The following SEMA6D variants were observed in gnomAD, a reference collection of about 807,000 sequenced individuals.
SEMA6D encodes the protein semaphorin-6D.
SEMA6D carries 35 observed loss-of-function variants against 106.6 expected under a neutral mutation model. The observed-to-expected ratio is 0.33, with a 90% confidence interval of 0.25 to 0.44. The LOEUF is 0.44. SEMA6D is among the 20% of genes least tolerant of loss of function. The pLI is 1.00. For missense variants in SEMA6D, 1,185 were observed against 1,345.9 expected, an observed-to-expected ratio of 0.88 and a Z score of 1.87; for synonymous variants, 499 against 487.7, an observed-to-expected ratio of 1.02 and a Z score of -0.31.
At chr15:47,542,912 T>C (rs1220798453) in intron 3 of SEMA6D, among the ~76,000 whole-genome samples, 1 of 152,076 alleles carries the variant, frequency 6.6e-6, no homozygotes, top group East Asian at 1.9e-4. Context: ...AAATTAGATA[T>C]GAGGCTCAGG....
At position 47,771,002 on chromosome 15, in the gene SEMA6D, G is replaced by A. The variant is rs771445597; in HGVS notation, c.2439G>A (p.Pro813=). 6.8e-5 allele frequency: 109 copies of A among 1,613,922 alleles called. No individual in the cohort carries two copies. The highest frequency in any genetic ancestry group is 1.6e-4 in the Middle Eastern group (1 of 6,084). Residue 813 remains proline (P), a synonymous_variant, in exon 19 of 19, where the codon CCG becomes CCA. Transcript: ENST00000536845. ...CCCCTCAGTTTTTTCCGTCTAGTCC[G>A]CCACCTCATTCCCCATTAAGTCATG... The part of the protein sequence containing the change: ...KETPQFFPSS[P]PPHSPLSHGH...
chr15:47,411,089 G>GT (rs2040778470), intron 1 of SEMA6D, among the ~76,000 whole-genome samples: 2 of 151,808 alleles, frequency 1.3e-5, no homozygotes, highest in South Asian at 2.1e-4. Flanking sequence ...CCTTAGCTGA[G>GT]TTTTTTGTTT....
chr15:47,535,305 TC>T (rs1409960071), intron 3 of SEMA6D, among the ~76,000 whole-genome samples: 2 of 152,136 alleles, frequency 1.3e-5, no homozygotes, highest in East Asian at 3.9e-4. Context: ...ATACAGGTGT[TC>T]ACCTATCCCA....
intron 1 of SEMA6D, among the ~76,000 whole-genome samples, chr15:47,194,606 G>A (rs1335866504): frequency 6.6e-6 from 1 of 152,136 alleles, no homozygotes; most frequent in East Asian, 1.9e-4. Context: ...ATGTTCAGTA[G>A]GGCCTTGCAC....
Position 47,764,621 on chromosome 15 carries a change from C to A in SEMA6D, c.1098-17C>A. 10 of 1,612,994 alleles carry A rather than the reference C, an allele frequency of 6.2e-6. No homozygotes were observed. The highest frequency in any genetic ancestry group is 8.5e-6 in the Non-Finnish European group (10 of 1,179,342). On this transcript the variant is annotated splice_polypyrimidine_tract_variant and intron_variant, in intron 11 of 18. Coordinates refer to ENST00000536845, the MANE Select transcript of SEMA6D (RefSeq NM_001358351.3). ...AGGGGCAGCCGAGAGCATAAAATAA[C>A]GCTGTTTTCCTTTCAGGCCTGGCTG... is the stretch of plus-strand genomic sequence containing the variant.
chr15:47,759,626 G>C (rs2081956656), intron 1 of SEMA6D, 119 bp from the exon 2 acceptor site: 2 of 605,262 alleles, frequency 3.3e-6, no homozygotes, highest in African/African-American at 3.7e-5. Flanking sequence ...ACCACTGCCA[G>C]CATTCCTGGT....
chr15:47,229,860 G>T (rs760526652), intron 1 of SEMA6D, among the ~76,000 whole-genome samples: 1 of 152,036 alleles, frequency 6.6e-6, no homozygotes, highest in Non-Finnish European at 1.5e-5. Flanking sequence ...TTCATTGAAT[G>T]AATGTTTGGT....
intron 3 of SEMA6D, among the ~76,000 whole-genome samples, chr15:47,502,091 C>A (rs2043868301): frequency 1.3e-5 from 2 of 152,098 alleles, no homozygotes; most frequent in Admixed American, 1.3e-4. Flanking sequence ...ACGCTAACAA[C>A]AATTTCAGTA....
At chr15:47,455,501 C>T (rs975154626) in intron 2 of SEMA6D, among the ~76,000 whole-genome samples, 3 of 151,842 alleles carry the variant, frequency 2.0e-5, no homozygotes, top group Non-Finnish European at 4.4e-5. Flanking sequence ...TAAGTGGGAC[C>T]GCTGCCTTCC....
At chr15:47,449,242 A>G (rs1265838379) in intron 2 of SEMA6D, among the ~76,000 whole-genome samples, 1 of 152,110 alleles carries the variant, frequency 6.6e-6, no homozygotes, top group African/African-American at 2.4e-5. Context: ...ACCAATATTC[A>G]ATATATGTAG....
At chr15:47,232,880 GTTGTCTATTTAC>G in intron 1 of SEMA6D, among the ~76,000 whole-genome samples, 1 of 151,838 alleles carries the variant, frequency 6.6e-6, no homozygotes, top group East Asian at 1.9e-4. Context: ...CCTTATGTGG[GTTGTCTATTTAC>G]TTTCATAGTG....
chr15:47,406,418 T>A (rs1386168345), intron 1 of SEMA6D, among the ~76,000 whole-genome samples: 9 of 152,126 alleles, frequency 5.9e-5, no homozygotes, highest in Non-Finnish European at 1.2e-4. Context: ...CTCTACTGAG[T>A]AGTGTTTTCT....
chr15:47,558,377 A>G (rs1368598077), intron 3 of SEMA6D, among the ~76,000 whole-genome samples: 1 of 152,106 alleles, frequency 6.6e-6, no homozygotes, highest in Non-Finnish European at 1.5e-5. Context: ...ATTTAATAGC[A>G]AAAGTCATGT....
At chr15:47,689,238 C>A (rs966807989) in intron 4 of SEMA6D, among the ~76,000 whole-genome samples, 1 of 152,102 alleles carries the variant, frequency 6.6e-6, no homozygotes, top group Non-Finnish European at 1.5e-5. Context: ...TTCAGTCACC[C>A]CTTTGAATTT....
At chr15:47,690,577 A>T (rs2078564684) in intron 4 of SEMA6D, among the ~76,000 whole-genome samples, 1 of 152,022 alleles carries the variant, frequency 6.6e-6, no homozygotes, top group Admixed American at 6.6e-5. Flanking sequence ...CTTGATTCCT[A>T]CTCTAACAGA....
intron 4 of SEMA6D, among the ~76,000 whole-genome samples, chr15:47,690,999 T>C (rs951243980): frequency 6.6e-6 from 1 of 152,172 alleles, no homozygotes; most frequent in Admixed American, 6.5e-5. Flanking sequence ...AGTTATTTTT[T>C]AGAATATGCC....
intron 1 of SEMA6D, among the ~76,000 whole-genome samples, chr15:47,389,261 G>A (rs1274181388): frequency 6.6e-6 from 1 of 152,142 alleles, no homozygotes; most frequent in Admixed American, 6.5e-5. Flanking sequence ...CTAGAATAGT[G>A]TCTGGCACAT....
chr15:47,674,608 G>C (rs995600866), intron 4 of SEMA6D, among the ~76,000 whole-genome samples: 9 of 152,096 alleles, frequency 5.9e-5, no homozygotes, highest in African/African-American at 2.2e-4. Context: ...AGGGTTCTGC[G>C]TATCACCACT....
chr15:47,444,493 A>G (rs1389905474), intron 2 of SEMA6D, among the ~76,000 whole-genome samples: 1 of 152,116 alleles, frequency 6.6e-6, no homozygotes. Context: ...TTGCTCCCTC[A>G]GTCCTTTGAG....
Sources: gnomAD v4.1 joint callset for allele counts (sites outside exome capture counted in the v4.1 genomes callset) on GRCh38, gnomAD v4.1.1 for gene constraint, MANE v1.5 for transcripts, NCBI Gene and HGNC (gene_info 2026-07-23, HGNC 2026-07-21) for gene names.